Variants in BEND7 observed in about 807,000 individuals in gnomAD.
BEND7 encodes the protein BEN domain containing 7.
A neutral mutation model predicts 50.9 loss-of-function variants in BEND7; 28 were observed. The observed-to-expected ratio is 0.55, with a 90% CI of 0.41 to 0.75. The LOEUF is 0.75. BEND7 is among the 30% of genes least tolerant of loss of function. The probability of loss-of-function intolerance (pLI) is 0.00; values close to 1 mark genes in which losing one functional copy is unlikely to be tolerated. For synonymous variants in BEND7, 170 were observed against 183.9 expected, an observed-to-expected ratio of 0.92 and a Z score of 0.61; for missense variants, 477 against 491.3, an observed-to-expected ratio of 0.97 and a Z score of 0.28.
At chr10:13,443,112 A>C (rs1564487877) in intron 8 of BEND7, 1 of 152,266 alleles carries the variant, frequency 6.6e-6, no homozygotes, top group South Asian at 2.1e-4. Flanking sequence ...CATATGCTGG[A>C]CTTTTAAAGG....
intron 2 of BEND7, among the ~76,000 whole-genome samples, chr10:13,519,695 C>T (rs1441153085): frequency 1.3e-5 from 2 of 152,180 alleles, no homozygotes; most frequent in Non-Finnish European, 2.9e-5. Flanking sequence ...AGAACTGGAG[C>T]CTGAGATTCA....
In BEND7 at chr10:13,482,217, C is replaced by T. The variant is rs376865283; in HGVS notation, c.838-1093G>A. Among the ~76,000 whole-genome samples, 5 of 152,112 alleles carry T rather than the reference C, an allele frequency of 3.3e-5. No individual in the cohort carries two copies. The South Asian group carries it at 6.2e-4, about 19-fold the overall frequency. ...ACTCCATAACTTCTTGTGGAATAGACGAAAGTTCATTAGTCATAACCTGCA... is the reference window on the plus strand; with the variant it reads ...ACTCCATAACTTCTTGTGGAATAGATGAAAGTTCATTAGTCATAACCTGCA... On this transcript the variant is annotated intron_variant, in intron 5 of 8. Coordinates refer to ENST00000466271, the MANE Select transcript of BEND7 (RefSeq NM_001369863.1).
chr10:13,461,720 G>A (rs185164947), intron 6 of BEND7, among the ~76,000 whole-genome samples: 257 of 140,536 alleles, frequency 1.8e-3, no homozygotes, highest in Admixed American at 5.4e-3. Context: ...GAGACAGAGC[G>A]AGACTCCATC....
chr10:13,441,860 T>A, intron 8 of BEND7, 110 bp from the exon 9 acceptor site: 1 of 1,093,338 alleles, frequency 9.1e-7, no homozygotes, highest in Non-Finnish European at 1.4e-6. Flanking sequence ...ACCTTCCTTG[T>A]AGCCCCCCAA....
At chr10:13,442,812 A>G (rs1186761615) in intron 8 of BEND7, 1 of 152,206 alleles carries the variant, frequency 6.6e-6, no homozygotes, top group Non-Finnish European at 1.5e-5. Flanking sequence ...ACTCAGTTAC[A>G]AATGGCTATT....
chr10:13,470,474 G>A (rs763431060), intron 6 of BEND7, among the ~76,000 whole-genome samples: 32 of 152,166 alleles, frequency 2.1e-4, no homozygotes, highest in Non-Finnish European at 3.7e-4. Flanking sequence ...ATTCAGTAAC[G>A]GGGAGTTGGA....
At chr10:13,489,586 C>G (rs1000785102) in intron 5 of BEND7, among the ~76,000 whole-genome samples, 1 of 152,142 alleles carries the variant, frequency 6.6e-6, no homozygotes, top group Non-Finnish European at 1.5e-5. Flanking sequence ...TAATCACAGT[C>G]TCTGCTCTTG....
At chr10:13,483,155 A>G (rs890852200) in intron 5 of BEND7, among the ~76,000 whole-genome samples, 1 of 152,166 alleles carries the variant, frequency 6.6e-6, no homozygotes, top group South Asian at 2.1e-4. Context: ...AGGAAGGGGA[A>G]GGACACTAGT....
rs865904743 is a variant in BEND7 at position 13,528,751 on chromosome 10, C to G, written c.-218G>C. The G allele has an allele frequency of 2.0e-5, 3 of 148,872 alleles. No individual in the cohort carries two copies. The highest frequency in any genetic ancestry group is 7.4e-5 in the African/African-American group (3 of 40,806). 9.2% of individuals were successfully genotyped at this position (148,872 alleles called of 1,614,324 possible). ...CGCGGGGCCCGGCGGCGTGGGCTCC[C>G]GGGCGAAGTTGCCCCCGCGCGGCGC... On this transcript the variant is annotated 5_prime_UTR_variant, in exon 1 of 9. Transcript: ENST00000466271.
intron 3 of BEND7, among the ~76,000 whole-genome samples, chr10:13,497,146 C>T (rs1284262519): frequency 6.6e-6 from 1 of 152,210 alleles, no homozygotes; most frequent in East Asian, 1.9e-4. Context: ...CATGCACACA[C>T]ACACACAATG....
chr10:13,497,000 T>C, intron 3 of BEND7, 112 bp from the exon 4 acceptor site: 1 of 1,314,864 alleles, frequency 7.6e-7, no homozygotes, highest in Non-Finnish European at 1.0e-6. Context: ...TTGAAGCATG[T>C]GCAATTATGA....
At chr10:13,453,782 G>A (rs1043010646) in intron 6 of BEND7, among the ~76,000 whole-genome samples, 4 of 152,202 alleles carry the variant, frequency 2.6e-5, no homozygotes, top group Non-Finnish European at 5.9e-5. Context: ...ACTTGATACT[G>A]ATAAAATTGG....
rs150427571 is a variant in BEND7, at chr10:13,471,970, A to G, written c.1063+8929T>C. 3.3e-5 allele frequency among the ~76,000 whole-genome samples: 5 copies of G among 149,760 alleles called. No individual in the cohort carries two copies. In the South Asian group the frequency reaches 6.6e-4, roughly 20 times the overall value. On this transcript the variant is annotated intron_variant, in intron 6 of 8. Coordinates refer to ENST00000466271, the MANE Select transcript of BEND7 (RefSeq NM_001369863.1). ...CATCATCACTGTTAGACTCGGGGTC[A>G]ATACCCTTCATCACTGTTAGACTCG...
intron 3 of BEND7, 75 bp from the exon 4 acceptor site, chr10:13,496,963 GA>G: frequency 6.9e-7 from 1 of 1,441,634 alleles, no homozygotes; most frequent in Non-Finnish European, 9.1e-7. Context: ...GAGGTGGAGA[GA>G]AAAAAGAAAG....
intron 3 of BEND7, 83 bp downstream of exon 3, chr10:13,499,695 T>C (rs1323969072): frequency 1.4e-6 from 2 of 1,387,074 alleles, no homozygotes; most frequent in Non-Finnish European, 1.9e-6. Context: ...GTTTAATAAA[T>C]TGAACTCAAC....
chr10:13,479,997 A>C (rs2075742024), intron 6 of BEND7, among the ~76,000 whole-genome samples: 1 of 152,160 alleles, frequency 6.6e-6, no homozygotes. Flanking sequence ...CCACTTCACA[A>C]CTCAACAATG....
chr10:13,488,441 G>C (rs1237029282), intron 5 of BEND7, among the ~76,000 whole-genome samples: 1 of 152,118 alleles, frequency 6.6e-6, no homozygotes, highest in Non-Finnish European at 1.5e-5. Context: ...AGTATTGGTA[G>C]AGTATTGGGT....
At chr10:13,479,296 AC>A (rs1224724557) in intron 6 of BEND7, among the ~76,000 whole-genome samples, 1 of 152,110 alleles carries the variant, frequency 6.6e-6, no homozygotes, top group Non-Finnish European at 1.5e-5. Context: ...GGTTTGAGCC[AC>A]CGCGCCTGGC....
intron 2 of BEND7, among the ~76,000 whole-genome samples, chr10:13,501,403 A>G (rs910618297): frequency 6.6e-6 from 1 of 151,868 alleles, no homozygotes; most frequent in African/African-American, 2.4e-5. Context: ...AAAGAAAAAG[A>G]AAATATTTTC....
Sources: allele counts gnomAD v4.1 joint callset (sites outside exome capture counted in the v4.1 genomes callset), GRCh38; gene constraint gnomAD v4.1.1; transcripts MANE v1.5; gene names NCBI Gene and HGNC (gene_info 2026-07-23, HGNC 2026-07-21).